CUBN: variants seen among roughly 807,000 people sequenced by gnomAD.
The protein encoded by CUBN is cubilin, also known as 460 kDa receptor.
CUBN carries 282 observed loss-of-function variants against 405.3 expected under a neutral mutation model. The observed-to-expected ratio is 0.70, with a 90% CI of 0.63 to 0.77. The LOEUF is 0.77. Among genes scored for constraint, CUBN ranks in the 30% least tolerant of loss-of-function variants. The pLI, the probability that CUBN is intolerant of heterozygous loss-of-function variation, is 0.00. For missense variants in CUBN, 4,514 were observed against 4,475.2 expected (o/e 1.01, Z -0.25); for synonymous variants, 1,684 against 1,617.0 (o/e 1.04, Z -0.99).
chr10:17,114,784 C>G (rs965191860), intron 7 of CUBN, among the ~76,000 whole-genome samples: 4 of 152,152 alleles, frequency 2.6e-5, no homozygotes, highest in African/African-American at 9.7e-5. Context: ...TTAGAGTCTG[C>G]AGCAGTTCCA....
intron 63 of CUBN, among the ~76,000 whole-genome samples, chr10:16,835,453 A>G (rs1411419798): frequency 6.6e-6 from 1 of 152,190 alleles, no homozygotes; most frequent in Non-Finnish European, 1.5e-5. Flanking sequence ...CTTCTCCTTT[A>G]AAGACGAATA....
At chr10:16,951,575 T>A (rs1842921834) in intron 33 of CUBN, among the ~76,000 whole-genome samples, 1 of 152,204 alleles carries the variant, frequency 6.6e-6, no homozygotes, top group African/African-American at 2.4e-5. Context: ...TCACCCGCTT[T>A]GCAGCCATTC....
At chr10:16,889,669 G>A (rs1300901036) in intron 55 of CUBN, among the ~76,000 whole-genome samples, 2 of 152,002 alleles carry the variant, frequency 1.3e-5, no homozygotes, top group Non-Finnish European at 2.9e-5. Flanking sequence ...GCCGAGGCGG[G>A]CGGTTCACGA....
At chr10:17,087,779 C>A (rs1250331540) in intron 15 of CUBN, among the ~76,000 whole-genome samples, 1 of 152,184 alleles carries the variant, frequency 6.6e-6, no homozygotes, top group Non-Finnish European at 1.5e-5. Flanking sequence ...CCGGCCTCTT[C>A]GTGGAATGCT....
At chr10:17,105,840 G>A (rs1184475526) in intron 10 of CUBN, among the ~76,000 whole-genome samples, 1 of 152,238 alleles carries the variant, frequency 6.6e-6, no homozygotes, top group African/African-American at 2.4e-5. Flanking sequence ...CCATATGTCA[G>A]ATGGTCCTGA....
At chr10:17,000,550 T>G (rs183583193) in intron 28 of CUBN, among the ~76,000 whole-genome samples, 2 of 152,256 alleles carry the variant, frequency 1.3e-5, no homozygotes, top group African/African-American at 4.8e-5. Flanking sequence ...CACATCTTTT[T>G]AAAAACATTT....
In CUBN at chr10:16,952,347, G is replaced by T. The variant is rs1842943994; in HGVS notation, c.4898C>A (p.Ser1633Tyr). 1.2e-6 allele frequency: 2 copies of T among 1,613,844 alleles called. No individual in the cohort carries two copies. Among genetic ancestry groups the T allele is most frequent in the African/African-American group, 2.7e-5 (2 of 74,916 alleles). The change falls in exon 33 of 67, where the codon TCC (serine) becomes TAC (tyrosine). Residue 1633 changes from serine to tyrosine, a missense_variant. Ser to Tyr is a moderately radical substitution (Grantham distance 144). Coordinates refer to ENST00000377833, the MANE Select transcript of CUBN (RefSeq NM_001081.4). ...HILTSSFDTV[S>Y]SPRFPANYPN... ...ATAATTGGCAGGGAACCGTGGAGAG[G>T]AAACAGTATCAAATGAGCTGGTGAG...
At chr10:17,094,529 A>G (rs1466869685) in intron 14 of CUBN, among the ~76,000 whole-genome samples, 1 of 152,120 alleles carries the variant, frequency 6.6e-6, no homozygotes, top group East Asian at 1.9e-4. Flanking sequence ...TACTTTTAGA[A>G]CTAATAAATG....
intron 27 of CUBN, among the ~76,000 whole-genome samples, chr10:17,027,983 A>G (rs538818645): frequency 1.3e-5 from 2 of 152,250 alleles, no homozygotes; most frequent in South Asian, 2.1e-4. Flanking sequence ...ACACCTATTA[A>G]TTACCCACAA....
At chr10:16,936,954 T>C (rs1414690206) in intron 39 of CUBN, among the ~76,000 whole-genome samples, 2 of 152,116 alleles carry the variant, frequency 1.3e-5, no homozygotes, top group African/African-American at 4.8e-5. Context: ...CGACCACAAG[T>C]GATCCGTCTA....
intron 51 of CUBN, among the ~76,000 whole-genome samples, chr10:16,901,889 G>GTATA (rs67084462): frequency 3.1e-4 from 34 of 109,200 alleles, no homozygotes; most frequent in Middle Eastern, 7.1e-3. Flanking sequence ...ACCATATATA[G>GTATA]TATATATATA....
chr10:17,051,819 G>A (rs974052201), intron 22 of CUBN, among the ~76,000 whole-genome samples: 1 of 151,538 alleles, frequency 6.6e-6, no homozygotes, highest in Non-Finnish European at 1.5e-5. Flanking sequence ...ACAACAAATA[G>A]GTTAACACAC....
Position 17,071,855 on chromosome 10 carries a change from T to A in CUBN, c.2418A>T (p.Lys806Asn), listed in dbSNP as rs764656350. 1 of 1,612,762 alleles carries A rather than the reference T, an allele frequency of 6.2e-7. No individual in the cohort carries two copies. Among genetic ancestry groups the A allele is most frequent in the African/African-American group, 1.3e-5 (1 of 74,896 alleles). The change falls in exon 18 of 67, where the codon AAA becomes AAT. Residue 806 changes from lysine (K) to asparagine (N), a missense_variant. By Grantham distance (94) the Lys-to-Asn change is moderately conservative (BLOSUM62 0). This residue lies in a region of CUBN where 1,448 missense variants were observed against 1,388.0 expected (regional missense o/e 1.04). Coordinates refer to ENST00000377833, the MANE Select transcript of CUBN (RefSeq NM_001081.4). ...IRFKIDASVE[K>N]ASFRAVYQVA... ...CTTGATAAACAGCTCTGAAACTAGC[T>A]TTTTCAACAGAAGCATCTATTTTAA...
At chr10:16,894,328 G>C (rs369998675) in intron 54 of CUBN, among the ~76,000 whole-genome samples, 1 of 151,414 alleles carries the variant, frequency 6.6e-6, no homozygotes, top group Non-Finnish European at 1.5e-5. Flanking sequence ...TTTTTCTCTA[G>C]AAGTTTTATA....
intron 4 of CUBN, among the ~76,000 whole-genome samples, chr10:17,126,532 G>A (rs534353126): frequency 4.4e-4 from 67 of 152,332 alleles, no homozygotes; most frequent in African/African-American, 1.6e-3. Context: ...CTCAGGGTCA[G>A]AAGCCCTAAC....
At chr10:16,920,371 A>AT (rs1842001905) in intron 43 of CUBN, among the ~76,000 whole-genome samples, 1 of 152,146 alleles carries the variant, frequency 6.6e-6, no homozygotes, top group Non-Finnish European at 1.5e-5. Context: ...TGGAAATTTC[A>AT]TTCTTTCTTA....
At chr10:17,023,445 A>G (rs1417919748) in intron 27 of CUBN, 1 of 255,946 alleles carries the variant, frequency 3.9e-6, no homozygotes, top group African/African-American at 2.2e-5. Flanking sequence ...TTTTTTGTTT[A>G]TATTCACACA....
At chr10:16,983,338 A>C (rs1033238135) in intron 30 of CUBN, among the ~76,000 whole-genome samples, 12 of 152,146 alleles carry the variant, frequency 7.9e-5, no homozygotes, top group African/African-American at 2.7e-4. Flanking sequence ...TCTTATATAG[A>C]TACCTTGGTT....
chr10:16,897,319 T>TG (rs35810521), intron 54 of CUBN, among the ~76,000 whole-genome samples: 110,871 of 151,974 alleles, frequency 0.73, 40,893 homozygotes, highest in Middle Eastern at 0.81. Context: ...GTTTACCACG[T>TG]GCCTTGCACA....
Sources: allele counts gnomAD v4.1 joint callset (sites outside exome capture counted in the v4.1 genomes callset), GRCh38; gene constraint gnomAD v4.1.1; regional missense constraint gnomAD v4.1.1; transcripts MANE v1.5; gene names NCBI Gene and HGNC (gene_info 2026-07-23, HGNC 2026-07-21).